The following PTPRT variants were observed in gnomAD, a reference collection of about 807,000 sequenced individuals.
PTPRT encodes the protein receptor-type tyrosine-protein phosphatase T.
In PTPRT, 56 loss-of-function variants were observed where a neutral mutation model predicts 176.8. The observed-to-expected ratio is 0.32, with a 90% CI of 0.26 to 0.40. PTPRT has a LOEUF of 0.40. Among genes scored for constraint, PTPRT ranks in the 10% least tolerant of loss-of-function variants. The probability of loss-of-function intolerance (pLI) is 1.00; values close to 1 mark genes in which losing one functional copy is unlikely to be tolerated. For synonymous variants in PTPRT, 783 were observed against 739.0 expected (o/e 1.06, Z -0.96); for missense variants, 1,540 against 1,908.2 (o/e 0.81, Z 3.60).
intron 9 of PTPRT, among the ~76,000 whole-genome samples, chr20:42,414,147 GTCTACAGAA>G (rs2059043218): frequency 1.3e-5 from 2 of 152,108 alleles, no homozygotes; most frequent in South Asian, 4.1e-4. Flanking sequence ...TTTGTTTACT[GTCTACAGAA>G]TGCCTAGCAC....
chr20:42,568,944 G>A (rs1166262127), intron 7 of PTPRT, among the ~76,000 whole-genome samples: 5 of 147,296 alleles, frequency 3.4e-5, no homozygotes, highest in Non-Finnish European at 7.4e-5. Flanking sequence ...AGCTACTTGG[G>A]AAGCTGAGCA....
In PTPRT at chr20:42,321,985, A is replaced by T. The variant is rs538112426; in HGVS notation, c.1866-5989T>A. Among the ~76,000 whole-genome samples the T allele has an allele frequency of 1.6e-4, 24 of 152,252 alleles. 1 individual carries two copies. The highest frequency in any genetic ancestry group is 2.6e-4 in the Non-Finnish European group (18 of 67,992). ...CTTCTTAGGAGGCGGAGGCAGGAGAATGCCGTGAACCCGGAAGGCAGAGCT... is the reference window on the plus strand; with the variant it reads ...CTTCTTAGGAGGCGGAGGCAGGAGATTGCCGTGAACCCGGAAGGCAGAGCT... On this transcript the variant is annotated intron_variant, in intron 11 of 30. Transcript: ENST00000373187.
chr20:42,715,274 C>T (rs752774069), intron 6 of PTPRT, among the ~76,000 whole-genome samples: 10 of 152,024 alleles, frequency 6.6e-5, no homozygotes, highest in African/African-American at 2.2e-4. Context: ...AGGTAACAAA[C>T]AGGACATAAA....
intron 1 of PTPRT, among the ~76,000 whole-genome samples, chr20:42,998,041 C>T (rs1984326416): frequency 2.0e-5 from 3 of 152,140 alleles, no homozygotes; most frequent in Non-Finnish European, 4.4e-5. Context: ...GGAACATTGG[C>T]TAACATTCTT....
intron 19 of PTPRT, among the ~76,000 whole-genome samples, chr20:42,121,246 A>C (rs1163050432): frequency 6.6e-6 from 1 of 152,188 alleles, no homozygotes; most frequent in Admixed American, 6.5e-5. Context: ...GGCCTGCTCT[A>C]GAGTTGGAGG....
At chr20:43,014,543 G>A (rs1216093616) in intron 1 of PTPRT, among the ~76,000 whole-genome samples, 1 of 152,172 alleles carries the variant, frequency 6.6e-6, no homozygotes, top group South Asian at 2.1e-4. Context: ...ACCAGACGAG[G>A]AGAATTAAAA....
intron 5 of PTPRT, among the ~76,000 whole-genome samples, chr20:42,765,361 A>T (rs1209684676): frequency 6.6e-6 from 1 of 152,086 alleles, no homozygotes; most frequent in African/African-American, 2.4e-5. Context: ...ATATTTCTAA[A>T]CATGCTTCTG....
chr20:42,084,918 G>A, intron 28 of PTPRT, 73 bp from the exon 29 acceptor site: 1 of 1,259,986 alleles, frequency 7.9e-7, no homozygotes, highest in Non-Finnish European at 1.0e-6. Context: ...GATACCCCGG[G>A]GACTGCAGCA....
chr20:42,128,363 G>T (rs771731866), intron 19 of PTPRT, among the ~76,000 whole-genome samples: 17 of 152,034 alleles, frequency 1.1e-4, no homozygotes, highest in African/African-American at 4.1e-4. Context: ...AGGTTTTAAA[G>T]GGTAGAGACC....
chr20:42,552,305 T>C (rs1447109256), intron 7 of PTPRT, among the ~76,000 whole-genome samples: 2 of 152,108 alleles, frequency 1.3e-5, no homozygotes, highest in Non-Finnish European at 2.9e-5. Context: ...AAGACACATA[T>C]GAAGCACAGA....
intron 1 of PTPRT, among the ~76,000 whole-genome samples, chr20:43,044,569 C>A (rs185007879): frequency 6.6e-6 from 1 of 152,300 alleles, no homozygotes. Context: ...GGCATGGATT[C>A]AAGTCCGGCC....
intron 11 of PTPRT, among the ~76,000 whole-genome samples, chr20:42,335,939 T>G (rs2058033545): frequency 6.6e-6 from 1 of 152,210 alleles, no homozygotes; most frequent in African/African-American, 2.4e-5. Context: ...CGGCTGCTAC[T>G]AGCTGCATGA....
chr20:42,207,290 G>C (rs1212656787), intron 15 of PTPRT, among the ~76,000 whole-genome samples: 29 of 152,218 alleles, frequency 1.9e-4, no homozygotes, highest in African/African-American at 6.0e-4. Flanking sequence ...AAGCTGGATG[G>C]AGAATGACTT....
At chr20:43,135,807 G>A (rs1331157881) in intron 1 of PTPRT, among the ~76,000 whole-genome samples, 1 of 152,150 alleles carries the variant, frequency 6.6e-6, no homozygotes, top group Admixed American at 6.5e-5. Flanking sequence ...TGGAGGCGGT[G>A]GGGGGCTTTC....
At chr20:42,480,630 G>T (rs1388869553) in intron 7 of PTPRT, among the ~76,000 whole-genome samples, 1 of 152,144 alleles carries the variant, frequency 6.6e-6, no homozygotes, top group East Asian at 1.9e-4. Context: ...AGGATGATAT[G>T]ATGAAGCTTG....
intron 12 of PTPRT, among the ~76,000 whole-genome samples, chr20:42,298,887 A>C (rs2057422351): frequency 2.6e-5 from 4 of 152,230 alleles, no homozygotes; most frequent in Admixed American, 2.6e-4. Flanking sequence ...ATGCCACTGC[A>C]CTCTAGCCTG....
chr20:42,247,687 G>A (rs73271018), intron 14 of PTPRT, among the ~76,000 whole-genome samples: 2,165 of 152,284 alleles, frequency 0.014, 45 homozygotes, highest in African/African-American at 0.05. Flanking sequence ...GTATTATAAT[G>A]TGGATAAATG....
intron 26 of PTPRT, among the ~76,000 whole-genome samples, chr20:42,098,765 A>G (rs1339980087): frequency 6.6e-6 from 1 of 152,264 alleles, no homozygotes; most frequent in Non-Finnish European, 1.5e-5. Flanking sequence ...TTTCATTAGG[A>G]AAGTGTCACT....
At chr20:42,849,730 A>G (rs1320079842) in intron 2 of PTPRT, among the ~76,000 whole-genome samples, 1 of 152,092 alleles carries the variant, frequency 6.6e-6, no homozygotes, top group East Asian at 1.9e-4. Flanking sequence ...TCTAACTCAC[A>G]CGATCACTCT....
Sources: allele counts gnomAD v4.1 joint callset (sites outside exome capture counted in the v4.1 genomes callset), GRCh38; gene constraint gnomAD v4.1.1; transcripts MANE v1.5; gene names NCBI Gene and HGNC (gene_info 2026-07-23, HGNC 2026-07-21).